The following ITGB2 variants were observed in gnomAD, a reference collection of about 807,000 sequenced individuals.
ITGB2 encodes the protein integrin beta-2.
A neutral mutation model predicts 86.8 loss-of-function variants in ITGB2; 56 were observed. That is an observed-to-expected ratio of 0.65 (90% CI 0.52 to 0.81). The LOEUF (loss-of-function observed/expected upper bound fraction) is 0.81, where lower values mean the gene tolerates loss of function less well. Among genes scored for constraint, ITGB2 ranks in the 30% least tolerant of loss-of-function variants. ITGB2 has a pLI of 0.00. For missense variants in ITGB2, 948 were observed against 1,061.2 expected, an observed-to-expected ratio of 0.89 and a Z score of 1.48; for synonymous variants, 457 against 450.4, an observed-to-expected ratio of 1.01 and a Z score of -0.19.
At chr21:44,894,898 G>T in intron 9 of ITGB2, 73 bp downstream of exon 9, 2 of 1,055,822 alleles carry the variant, frequency 1.9e-6, no homozygotes, top group Non-Finnish European at 1.5e-6. Flanking sequence ...CTGACCTGCA[G>T]CAGGAGCTGA....
intron 1 of ITGB2, among the ~76,000 whole-genome samples, chr21:44,916,729 T>C (rs557917040): frequency 6.6e-6 from 1 of 151,300 alleles, no homozygotes; most frequent in Non-Finnish European, 1.5e-5. Flanking sequence ...TTAGCTGGGC[T>C]TGGTGGCGGG....
chr21:44,889,196 C>G, intron 13 of ITGB2, 80 bp downstream of exon 13: 1 of 1,390,656 alleles, frequency 7.2e-7, no homozygotes, highest in Non-Finnish European at 1.0e-6. Flanking sequence ...TCACTGGGGT[C>G]CCCGAGTGAG....
At chr21:44,892,604 C>CAAAAA (rs11327948) in intron 10 of ITGB2, among the ~76,000 whole-genome samples, 10,641 of 70,870 alleles carry the variant, frequency 0.15, 1,182 homozygotes, top group Non-Finnish European at 0.19. Context: ...AACTCCATCT[C>CAAAAA]AAAAAAAAAA....
Position 44,886,170 on chromosome 21 carries a change from G to A in ITGB2, c.*198C>T. ...CTCCTCAAGTCTCCATGCAAAGACTGTGCCAGTCAGAGTGGAGCTGTCCCC... is the reference window on the plus strand; with the variant it reads ...CTCCTCAAGTCTCCATGCAAAGACTATGCCAGTCAGAGTGGAGCTGTCCCC... On this transcript the variant is annotated 3_prime_UTR_variant, in exon 16 of 16. Transcript: ENST00000652462. The A allele has an allele frequency of 3.2e-6, 2 of 631,472 alleles. No individual in the cohort carries two copies. Among genetic ancestry groups the A allele is most frequent in the South Asian group, 3.5e-5 (2 of 56,480 alleles). 39.1% of individuals were successfully genotyped at this position (631,472 alleles called of 1,614,324 possible).
At chr21:44,903,783 C>T (rs567828602) in intron 4 of ITGB2, among the ~76,000 whole-genome samples, 1 of 152,264 alleles carries the variant, frequency 6.6e-6, no homozygotes, top group East Asian at 1.9e-4. Flanking sequence ...CACTGAAACC[C>T]GCCTGGGGTG....
At chr21:44,917,003 A>C (rs1296262431) in intron 1 of ITGB2, among the ~76,000 whole-genome samples, 1 of 152,234 alleles carries the variant, frequency 6.6e-6, no homozygotes, top group African/African-American at 2.4e-5. Flanking sequence ...GGTAATCTTC[A>C]TCTCTAAAGA....
At chr21:44,923,502 C>G (rs990596545), upstream of ITGB2, among the ~76,000 whole-genome samples, 2 of 152,010 alleles carry the variant, frequency 1.3e-5, no homozygotes, top group African/African-American at 4.8e-5. Flanking sequence ...GGTGTTGATA[C>G]AACAAGATCA....
intron 1 of ITGB2, among the ~76,000 whole-genome samples, chr21:44,919,344 C>T (rs1301747187): frequency 1.3e-5 from 2 of 152,238 alleles, no homozygotes; most frequent in South Asian, 2.1e-4. Context: ...CTGAGGGGCA[C>T]GCTGGGTGCC....
chr21:44,918,458 C>T (rs1238428110), intron 1 of ITGB2, among the ~76,000 whole-genome samples: 1 of 152,232 alleles, frequency 6.6e-6, no homozygotes, highest in Non-Finnish European at 1.5e-5. Context: ...GTTCAAGTTA[C>T]ACGGTTGACT....
upstream of ITGB2, among the ~76,000 whole-genome samples, chr21:44,922,759 G>A (rs1323741470): frequency 6.6e-6 from 1 of 152,048 alleles, no homozygotes; most frequent in Non-Finnish European, 1.5e-5. Context: ...AAAACATTGG[G>A]AATAATTTCA....
At chr21:44,900,800 C>T (rs1489710691) in intron 6 of ITGB2, among the ~76,000 whole-genome samples, 8 of 152,240 alleles carry the variant, frequency 5.3e-5, no homozygotes, top group Non-Finnish European at 1.0e-4. Context: ...GAAAAACCCT[C>T]GCAGACGTGT....
In ITGB2 at chr21:44,895,020, A is replaced by G. The variant is rs1460516188; in HGVS notation, c.1034T>C (p.Leu345Pro). The G allele has an allele frequency of 2.5e-6, 4 of 1,613,364 alleles. No homozygotes were observed. The highest frequency in any genetic ancestry group is 3.4e-6 in the Non-Finnish European group (4 of 1,179,718). Residue 345 changes from leucine (L) to proline (P), a missense_variant, in exon 9 of 16, where the codon CTG becomes CCG. Leu to Pro is a moderately conservative substitution (Grantham distance 98). Transcript: ENST00000652462. ...EIIPKSAVGE[L>P]SEDSSNVVHL... ...GACCACATTGCTGGAGTCCTCAGAC[A>G]GCTCCCCCACGGCTGACTTGGGGAT...
chr21:44,910,601 C>A, intron 2 of ITGB2, 124 bp downstream of exon 2: 1 of 1,387,114 alleles, frequency 7.2e-7, no homozygotes, highest in Non-Finnish European at 1.0e-6. Flanking sequence ...CCGACCTACC[C>A]CCAGTGGCAA....
intron 1 of ITGB2, chr21:44,928,599 G>A (rs2084405591): frequency 6.5e-6 from 1 of 153,594 alleles, no homozygotes; most frequent in Non-Finnish European, 1.4e-5. Context: ...AGAGAGCAGG[G>A]CTCCCGAGGG....
chr21:44,900,060 G>C (rs536995598), intron 7 of ITGB2, among the ~76,000 whole-genome samples: 18 of 152,332 alleles, frequency 1.2e-4, no homozygotes, highest in African/African-American at 4.1e-4. Context: ...GGGGCAGTGG[G>C]GCTGGAGACC....
At chr21:44,889,145 G>A (rs2083745762) in intron 13 of ITGB2, 131 bp downstream of exon 13, 4 of 899,820 alleles carry the variant, frequency 4.4e-6, no homozygotes, top group Non-Finnish European at 6.9e-6. Context: ...GGGCCCCTCA[G>A]TCCAGACGCA....
upstream of ITGB2, among the ~76,000 whole-genome samples, chr21:44,925,135 A>G (rs565875428): frequency 1.4e-5 from 2 of 138,902 alleles, no homozygotes; most frequent in South Asian, 4.5e-4. Flanking sequence ...AATAGTTTAT[A>G]TCTTTTTTTT....
At chr21:44,922,420 T>C (rs1190792726), upstream of ITGB2, among the ~76,000 whole-genome samples, 1 of 152,112 alleles carries the variant, frequency 6.6e-6, no homozygotes, top group Non-Finnish European at 1.5e-5. Flanking sequence ...CCCAGCACTT[T>C]GGGAGGCCGA....
intron 7 of ITGB2, 67 bp from the exon 8 acceptor site, chr21:44,899,229 G>T: frequency 8.4e-7 from 1 of 1,193,690 alleles, no homozygotes; most frequent in Non-Finnish European, 1.2e-6. Context: ...ACCCGCCCCT[G>T]TCTGCCCCGC....
Sources: allele counts gnomAD v4.1 joint callset (sites outside exome capture counted in the v4.1 genomes callset), GRCh38; gene constraint gnomAD v4.1.1; transcripts MANE v1.5; gene names NCBI Gene and HGNC (gene_info 2026-07-23, HGNC 2026-07-21).